Variants in LYPLAL1 observed in about 807,000 individuals in gnomAD.
LYPLAL1 encodes lysophospholipase like 1, also known as lysophospholipase-like protein 1.
Under a neutral mutation model 19.7 loss-of-function variants are expected in LYPLAL1, and 23 were observed. The ratio of observed to expected loss-of-function variants is 1.17; its 90% CI spans 0.84 to 1.65. LYPLAL1 has a LOEUF of 1.65. Ranked by LOEUF, LYPLAL1 falls within the 40% of genes most tolerant of loss-of-function variation. The pLI is 0.00. For synonymous variants in LYPLAL1, 119 were observed against 96.3 expected (o/e 1.24, Z -1.38); for missense variants, 355 against 279.4 (o/e 1.27, Z -1.93).
chr1:219,300,083 A>G, the LYPLAL1 span, among the ~76,000 whole-genome samples: 7 of 152,082 alleles, frequency 4.6e-5, no homozygotes, highest in East Asian at 1.2e-3. Context: ...GGCTCAGGCT[A>G]TCTTCCCATC....
At chr1:219,300,491 G>T in the LYPLAL1 span, among the ~76,000 whole-genome samples, 2 of 151,684 alleles carry the variant, frequency 1.3e-5, no homozygotes, top group Non-Finnish European at 2.9e-5. Flanking sequence ...GGGAAAAAAG[G>T]GGGGACGCTT....
the LYPLAL1 span, among the ~76,000 whole-genome samples, chr1:219,229,318 A>AGAGAGAGAGAGAGAGAGG: frequency 6.7e-6 from 1 of 149,846 alleles, no homozygotes; most frequent in African/African-American, 2.5e-5. Context: ...AGAGAGAGAG[A>AGAGAGAGAGAGAGAGAGG]GAGAGAGAGA....
chr1:219,371,314 A>G, the LYPLAL1 span, among the ~76,000 whole-genome samples: 3 of 152,136 alleles, frequency 2.0e-5, no homozygotes, highest in African/African-American at 7.2e-5. Context: ...GTCCCTTAGG[A>G]ATGAACAGAC....
At chr1:219,354,317 C>A in the LYPLAL1 span, among the ~76,000 whole-genome samples, 169 of 152,286 alleles carry the variant, frequency 1.1e-3, 1 homozygote, top group African/African-American at 3.1e-3. Context: ...CTGACTGAGT[C>A]TCCTGAGTGG....
the LYPLAL1 span, among the ~76,000 whole-genome samples, chr1:219,291,184 A>G: frequency 4.1e-4 from 62 of 152,344 alleles, no homozygotes; most frequent in Middle Eastern, 3.4e-3. Context: ...ACAGAAAAAA[A>G]TGTCAAACAA....
Position 219,210,640 on chromosome 1 carries a change from T to C in LYPLAL1, c.470T>C (p.Val157Ala). 6.2e-7 allele frequency: 1 copy of C among 1,604,174 alleles called. No individual in the cohort carries two copies. The highest frequency in any genetic ancestry group is 8.5e-7 in the Non-Finnish European group (1 of 1,175,818). The change falls in exon 4 of 5, where the codon GTT becomes GCT. Residue 157 changes from valine (V) to alanine (A), a missense_variant. By Grantham distance (64) the Val-to-Ala change is moderately conservative. Transcript: ENST00000366928. ...LSSFLNKASAVYQALQKSNGV... is the reference protein window; with the variant it reads ...LSSFLNKASAAYQALQKSNGV... ...AGTTTTCTGAATAAAGCATCTGCTG[T>C]TTACCAGGTAAGTTCCAGATTTAAA...
intron 2 of LYPLAL1, among the ~76,000 whole-genome samples, chr1:219,186,634 C>T (rs1425599224): frequency 6.6e-6 from 1 of 151,702 alleles, no homozygotes; most frequent in Non-Finnish European, 1.5e-5. Flanking sequence ...CTCAGCTTCC[C>T]TATGCTTATT....
At chr1:219,372,855 G>A in the LYPLAL1 span, among the ~76,000 whole-genome samples, 1 of 151,948 alleles carries the variant, frequency 6.6e-6, no homozygotes, top group Non-Finnish European at 1.5e-5. Context: ...AATGTACCGT[G>A]ATCATGCTAC....
the LYPLAL1 span, among the ~76,000 whole-genome samples, chr1:219,315,943 T>A: frequency 5.1e-4 from 77 of 152,258 alleles, no homozygotes; most frequent in South Asian, 0.015. Flanking sequence ...AGAAAACTTC[T>A]CATTATAATT....
chr1:219,217,567 C>A (rs1242925510), downstream of LYPLAL1, among the ~76,000 whole-genome samples: 1 of 152,210 alleles, frequency 6.6e-6, no homozygotes, highest in East Asian at 1.9e-4. Flanking sequence ...AAGGTCTGGG[C>A]CCCTTGCACA....
In LYPLAL1 at chr1:219,211,759, G is replaced by A; in HGVS notation, c.*31G>A. 7.1e-7 allele frequency: 1 copy of A among 1,417,986 alleles called. No individual in the cohort carries two copies. The highest frequency in any genetic ancestry group is 9.6e-7 in the Non-Finnish European group (1 of 1,040,882). The allele number at this position is 1,417,986 out of a possible 1,614,324, so 87.8% of individuals were successfully genotyped here. A position where few individuals can be genotyped will look rare whatever the true frequency, so the allele number is the denominator to read the frequency against. ...TCAAGAGTGATTTGTTAATGTAAGT[G>A]TAATGTCTTTGTGAAAAGTGATTTT... On this transcript the variant is annotated 3_prime_UTR_variant, in exon 5 of 5. Coordinates refer to ENST00000366928, the MANE Select transcript of LYPLAL1 (RefSeq NM_138794.5).
chr1:219,420,510 A>G, the LYPLAL1 span, among the ~76,000 whole-genome samples: 2 of 152,156 alleles, frequency 1.3e-5, no homozygotes, highest in African/African-American at 4.8e-5. Context: ...TCACCCACTC[A>G]TTCCCCTTAA....
At chr1:219,376,386 G>C in the LYPLAL1 span, among the ~76,000 whole-genome samples, 9 of 152,110 alleles carry the variant, frequency 5.9e-5, no homozygotes. Flanking sequence ...ACCCTTAGAA[G>C]AAAATATTGG....
the LYPLAL1 span, among the ~76,000 whole-genome samples, chr1:219,337,252 C>A: frequency 2.0e-5 from 3 of 151,950 alleles, no homozygotes; most frequent in African/African-American, 7.2e-5. Context: ...AGATAACTTA[C>A]TCAGAGGTTC....
At chr1:219,275,663 A>G in the LYPLAL1 span, among the ~76,000 whole-genome samples, 1 of 152,174 alleles carries the variant, frequency 6.6e-6, no homozygotes, top group South Asian at 2.1e-4. Context: ...AAGGTGATCT[A>G]TAGGCAAATA....
the LYPLAL1 span, among the ~76,000 whole-genome samples, chr1:219,388,580 G>T: frequency 6.6e-6 from 1 of 152,108 alleles, no homozygotes; most frequent in Non-Finnish European, 1.5e-5. Flanking sequence ...GGAAGGGTTC[G>T]ATTCTGTCAG....
At chr1:219,372,424 G>A in the LYPLAL1 span, among the ~76,000 whole-genome samples, 9 of 152,246 alleles carry the variant, frequency 5.9e-5, no homozygotes, top group South Asian at 2.1e-4. Context: ...AGACCCATAG[G>A]TGAAGTAATT....
the LYPLAL1 span, among the ~76,000 whole-genome samples, chr1:219,243,145 C>G: frequency 6.6e-6 from 1 of 152,182 alleles, no homozygotes; most frequent in African/African-American, 2.4e-5. Context: ...AAGTTCTGAT[C>G]ATGGCTGTGG....
chr1:219,306,811 TATAGATAGATAG>T, the LYPLAL1 span, among the ~76,000 whole-genome samples: 1,650 of 132,168 alleles, frequency 0.012, 34 homozygotes, highest in Middle Eastern at 0.027. Flanking sequence ...CATAGATAGA[TATAGATAGATAG>T]ATAGATAGAT....
Sources: gnomAD v4.1 joint callset for allele counts (sites outside exome capture counted in the v4.1 genomes callset) on GRCh38, gnomAD v4.1.1 for gene constraint, MANE v1.5 for transcripts, NCBI Gene and HGNC (gene_info 2026-07-23, HGNC 2026-07-21) for gene names.